LPIN1: variants seen among roughly 807,000 people sequenced by gnomAD.
LPIN1 encodes phosphatidate phosphatase LPIN1.
Under a neutral mutation model 107.5 loss-of-function variants are expected in LPIN1, and 71 were observed. That is an observed-to-expected ratio of 0.66 (90% confidence interval 0.55 to 0.80). The LOEUF (loss-of-function observed/expected upper bound fraction) is 0.80, where lower values mean the gene tolerates loss of function less well. Among genes scored for constraint, LPIN1 ranks in the 30% least tolerant of loss-of-function variants. The probability of loss-of-function intolerance (pLI) is 0.00; values close to 1 mark genes in which losing one functional copy is unlikely to be tolerated. For missense variants in LPIN1, 1,043 were observed against 1,160.6 expected (o/e 0.90, Z 1.47); for synonymous variants, 445 against 452.6 (o/e 0.98, Z 0.21).
At chr2:11,733,597 T>A (rs144439918) in intron 1 of LPIN1, among the ~76,000 whole-genome samples, 1 of 152,060 alleles carries the variant, frequency 6.6e-6, no homozygotes, top group African/African-American at 2.4e-5. Flanking sequence ...GTTCAAGCAA[T>A]TCTCCTGCCT....
chr2:11,696,172 TTCCC>T (rs1200410791), intron 1 of LPIN1, among the ~76,000 whole-genome samples: 1 of 151,464 alleles, frequency 6.6e-6, no homozygotes, highest in Non-Finnish European at 1.5e-5. Context: ...GTCCTCCAAG[TTCCC>T]TCCCCTTACC....
chr2:11,811,909 C>G (rs1251557313), intron 17 of LPIN1, among the ~76,000 whole-genome samples: 1 of 152,054 alleles, frequency 6.6e-6, no homozygotes, highest in Admixed American at 6.5e-5. Flanking sequence ...CGCTTGAACC[C>G]GGGAGGCGGA....
chr2:11,784,830 A>T (rs531004213), intron 9 of LPIN1, 56 bp from the exon 10 acceptor site: 12 of 1,558,178 alleles, frequency 7.7e-6, no homozygotes, highest in Non-Finnish European at 1.1e-5. Context: ...ATGGTGATGT[A>T]GGACCCTGAA....
At position 11,707,908 on chromosome 2, in the gene LPIN1, G is replaced by A. The variant is rs192257834; in HGVS notation, c.82-5848G>A. Reference sequence around the variant, plus strand: ...GTCTCCGCTAATTATGACTGGGTAGGCCCCTTAGAGAAGCCTGGCTGGACT... The same window carrying A: ...GTCTCCGCTAATTATGACTGGGTAGACCCCTTAGAGAAGCCTGGCTGGACT... On this transcript the variant is annotated intron_variant, in intron 1 of 21. Transcript: ENST00000449576. The surrounding 1 kb of genome is among the most constrained non-coding windows in gnomAD (Gnocchi z 4.2). Among the ~76,000 whole-genome samples the A allele has an allele frequency of 2.0e-5, 3 of 152,268 alleles. No homozygotes were observed. The highest frequency in any genetic ancestry group is 3.9e-4 in the East Asian group (2 of 5,170).
At chr2:11,792,116 G>A in intron 13 of LPIN1, 110 bp downstream of exon 13, 1 of 892,882 alleles carries the variant, frequency 1.1e-6, no homozygotes, top group East Asian at 2.8e-5. Context: ...CCCTAGTGCT[G>A]AGTTTCCATG....
chr2:11,700,614 G>A (rs1215351192), intron 1 of LPIN1, among the ~76,000 whole-genome samples: 1 of 152,140 alleles, frequency 6.6e-6, no homozygotes, highest in Non-Finnish European at 1.5e-5. Context: ...GAAGGGTGAG[G>A]GCCTTGGGGC....
chr2:11,801,059 A>G (rs1235457464), intron 14 of LPIN1, among the ~76,000 whole-genome samples: 1 of 152,258 alleles, frequency 6.6e-6, no homozygotes, highest in East Asian at 1.9e-4. Context: ...GTGAGATAGC[A>G]TCTCACCCCA....
intron 1 of LPIN1, chr2:11,683,137 A>G (rs1442378185): frequency 6.6e-6 from 1 of 152,164 alleles, no homozygotes; most frequent in African/African-American, 2.4e-5. Context: ...TGTGATTGTG[A>G]AGCTCAAATG....
rs944896482 is a variant in LPIN1 at position 11,763,815 on chromosome 2, C to G, written c.-9-1718C>G. 2.0e-5 allele frequency among the ~76,000 whole-genome samples: 3 copies of G among 150,490 alleles called. No homozygotes were observed. The East Asian group carries it at 5.9e-4, about 30-fold the overall frequency. ...GCTTCTGCATGGACCTCTCGTTGTA[C>G]CCTGTCCACCTTGTCGTCTGACATC... On this transcript the variant is annotated intron_variant, in intron 1 of 20. Transcript: ENST00000674199.
At chr2:11,770,857 C>T (rs944476798) in intron 3 of LPIN1, among the ~76,000 whole-genome samples, 19 of 152,226 alleles carry the variant, frequency 1.2e-4, no homozygotes, top group Non-Finnish European at 2.4e-4. Flanking sequence ...GGTTCTTGGG[C>T]GGGGCTATCG....
chr2:11,785,917 C>A (rs1399245280), intron 10 of LPIN1, among the ~76,000 whole-genome samples: 1 of 152,192 alleles, frequency 6.6e-6, no homozygotes, highest in African/African-American at 2.4e-5. Flanking sequence ...TGTGCTGGGT[C>A]CCGCCGGCTC....
At chr2:11,687,448 C>G (rs6432231) in intron 1 of LPIN1, among the ~76,000 whole-genome samples, 85,474 of 152,028 alleles carry the variant, frequency 0.56, 25,530 homozygotes, top group African/African-American at 0.78. Context: ...GAGGGGCAGG[C>G]GGATGTGATA....
At chr2:11,789,503 C>T (rs373479197) in intron 12 of LPIN1, among the ~76,000 whole-genome samples, 19 of 145,874 alleles carry the variant, frequency 1.3e-4, no homozygotes, top group East Asian at 4.1e-4. Context: ...CGTGTGTGCG[C>T]GTGTGCATGT....
At chr2:11,759,185 CTTTCTTTT>C (rs1191769238) in intron 1 of LPIN1, among the ~76,000 whole-genome samples, 2 of 133,588 alleles carry the variant, frequency 1.5e-5, no homozygotes, top group South Asian at 2.3e-4. Flanking sequence ...TTCTTTCTTT[CTTTCTTTT>C]CTTTCTTTCT....
Position 11,707,298 on chromosome 2 carries a change from CAT to C in LPIN1, c.82-6457_82-6456del, listed in dbSNP as rs1663172314. The stretch of plus-strand genomic sequence containing the variant: ...GAAGGGTCACTGGAACAGAGACCAG[CAT>C]GAAGTGAGAGAAGGAGGCTTAGGGA... On this transcript the variant is annotated intron_variant, in intron 1 of 21. Transcript: ENST00000449576. The surrounding 1 kb of genome is among the most constrained non-coding windows in gnomAD (Gnocchi z 4.2). Among the ~76,000 whole-genome samples, 3 of 152,168 alleles carry C rather than the reference CAT, an allele frequency of 2.0e-5. No homozygotes were observed. Among genetic ancestry groups the C allele is most frequent in the Non-Finnish European group, 4.4e-5 (3 of 68,036 alleles).
chr2:11,686,817 C>A (rs1047643712), intron 1 of LPIN1, among the ~76,000 whole-genome samples: 1 of 151,884 alleles, frequency 6.6e-6, no homozygotes, highest in African/African-American at 2.4e-5. Context: ...CGATATGGGT[C>A]CTTTTGTGGG....
chr2:11,722,646 A>G (rs1219892745), upstream of LPIN1: 1 of 152,236 alleles, frequency 6.6e-6, no homozygotes, highest in African/African-American at 2.4e-5. Context: ...CGGGAGTGTT[A>G]CATAAGCCAG....
intron 1 of LPIN1, among the ~76,000 whole-genome samples, chr2:11,680,511 G>A (rs1661657618): frequency 6.6e-6 from 1 of 152,112 alleles, no homozygotes; most frequent in Non-Finnish European, 1.5e-5. Context: ...TGGGGCTGCA[G>A]CTGGCAAGCC....
At chr2:11,691,046 G>C (rs1254133621) in intron 1 of LPIN1, among the ~76,000 whole-genome samples, 1 of 150,866 alleles carries the variant, frequency 6.6e-6, no homozygotes, top group Non-Finnish European at 1.5e-5. Flanking sequence ...CATTTTGCTT[G>C]AGGGCTCATT....
Sources: allele counts gnomAD v4.1 joint callset (sites outside exome capture counted in the v4.1 genomes callset), GRCh38; gene constraint gnomAD v4.1.1; non-coding constraint Gnocchi (gnomAD v3.1); transcripts MANE v1.5; gene names NCBI Gene and HGNC (gene_info 2026-07-23, HGNC 2026-07-21).